Variants in DPF3 observed in about 807,000 individuals in gnomAD.
DPF3 encodes the protein double PHD fingers 3.
In DPF3, 18 loss-of-function variants were observed where a neutral mutation model predicts 56.8. The observed-to-expected ratio is 0.32, with a 90% CI of 0.22 to 0.47. DPF3 has a LOEUF of 0.47. DPF3 is among the 20% of genes least tolerant of loss of function. The pLI is 1.00. For synonymous variants in DPF3, 188 were observed against 180.2 expected (o/e 1.04, Z -0.35); for missense variants, 403 against 488.8 (o/e 0.82, Z 1.65).
chr14:72,620,053 C>T, intron 9 of DPF3, 69 bp from the exon 10 acceptor site: 1 of 1,437,156 alleles, frequency 7.0e-7, no homozygotes, highest in Non-Finnish European at 9.2e-7. Context: ...CTGGCCCCCG[C>T]TTACCCATCA....
Position 72,723,645 on chromosome 14 carries a change from C to T in DPF3, c.513G>A (p.Arg171=), listed in dbSNP as rs1889275167. Residue 171 remains arginine, a synonymous_variant, in exon 5 of 11, where the codon AGG becomes AGA. Transcript: ENST00000556509. ...ATCCCCAACTTACCCGTCCTCTAGT[C>T]CTGTTCTTTCGCTTGGGAATATCCT... is the stretch of plus-strand genomic sequence containing the variant. The part of the protein sequence containing the change: ...LEEDIPKRKN[R]TRGRARGSAG... The T allele has an allele frequency of 1.9e-6, 3 of 1,582,564 alleles. No homozygotes were observed. Among genetic ancestry groups the T allele is most frequent in the East Asian group, 2.3e-5 (1 of 43,556 alleles).
At chr14:72,745,108 C>T (rs1321692466) in intron 3 of DPF3, among the ~76,000 whole-genome samples, 1 of 151,856 alleles carries the variant, frequency 6.6e-6, no homozygotes, top group Non-Finnish European at 1.5e-5. Context: ...TGGAGGGGCA[C>T]CATGGGTGGG....
At chr14:72,700,193 T>C (rs1888096911) in intron 6 of DPF3, among the ~76,000 whole-genome samples, 1 of 152,190 alleles carries the variant, frequency 6.6e-6, no homozygotes, top group African/African-American at 2.4e-5. Flanking sequence ...AAGCCAGCAC[T>C]GTTTCTCCTT....
At chr14:72,781,476 A>G (rs1046578014) in intron 1 of DPF3, among the ~76,000 whole-genome samples, 1 of 152,240 alleles carries the variant, frequency 6.6e-6, no homozygotes, top group Non-Finnish European at 1.5e-5. Flanking sequence ...GTTCAGGCCC[A>G]GTAGACCCAA....
At chr14:72,814,350 C>T (rs1051173214) in intron 1 of DPF3, among the ~76,000 whole-genome samples, 65 of 152,060 alleles carry the variant, frequency 4.3e-4, no homozygotes, top group Non-Finnish European at 8.5e-4. Context: ...TGTGTGAGAG[C>T]GAGAGAGAGA....
chr14:72,785,686 T>C (rs572336025), intron 1 of DPF3, among the ~76,000 whole-genome samples: 1 of 152,310 alleles, frequency 6.6e-6, no homozygotes, highest in Admixed American at 6.5e-5. Context: ...GAAATAAACC[T>C]TCTTATCACA....
intron 8 of DPF3, among the ~76,000 whole-genome samples, chr14:72,633,826 T>C (rs1193632953): frequency 6.6e-6 from 1 of 152,148 alleles, no homozygotes; most frequent in African/African-American, 2.4e-5. Context: ...GTAGCAACAC[T>C]CCACCAATAT....
In DPF3 at chr14:72,671,045, C is replaced by A; in HGVS notation, c.871+3195G>T. 3 of 1,514,510 alleles carry A rather than the reference C, an allele frequency of 2.0e-6. No homozygotes were observed. In the African/African-American group the frequency reaches 4.2e-5, roughly 21 times the overall value. 93.8% of individuals were successfully genotyped at this position (1,514,510 alleles called of 1,614,324 possible). A position where few individuals can be genotyped will look rare whatever the true frequency, so the allele number is the denominator to read the frequency against. Reference sequence around the variant, plus strand: ...AGGATAGAGGGAAAATCTAAAGTTGCCTTTCATTAAAAAAAATATATATCA... The same window carrying A: ...AGGATAGAGGGAAAATCTAAAGTTGACTTTCATTAAAAAAAATATATATCA... On this transcript the variant is annotated intron_variant, in intron 8 of 10. Coordinates refer to ENST00000556509, the MANE Select transcript of DPF3 (RefSeq NM_001280542.3).
chr14:72,725,733 T>A (rs1889380492), intron 4 of DPF3, among the ~76,000 whole-genome samples: 1 of 152,104 alleles, frequency 6.6e-6, no homozygotes, highest in African/African-American at 2.4e-5. Context: ...GCCTCCTGGA[T>A]GACACCTCTG....
At chr14:72,839,002 A>ACT (rs1415401886) in intron 1 of DPF3, among the ~76,000 whole-genome samples, 1 of 139,706 alleles carries the variant, frequency 7.2e-6, no homozygotes, top group Non-Finnish European at 1.5e-5. Context: ...CTCACTGCAA[A>ACT]CTCTGCCTCC....
chr14:72,637,551 C>T lies in DPF3; in HGVS notation c.872-7815G>A, dbSNP rs766349300. Among the ~76,000 whole-genome samples, 83 of 152,192 alleles carry T rather than the reference C, an allele frequency of 5.5e-4. 1 individual carries two copies. The Middle Eastern group carries it at 9.5e-3, about 17-fold the overall frequency. On this transcript the variant is annotated intron_variant, in intron 8 of 10. Transcript: ENST00000556509. Reference sequence around the variant, plus strand: ...AGCAGTGAGAAAATCCAAACCCCTGCCCTCAATTTACAACTGCCACACTTT... The same window carrying T: ...AGCAGTGAGAAAATCCAAACCCCTGTCCTCAATTTACAACTGCCACACTTT...
chr14:72,857,735 C>T (rs987750126), intron 1 of DPF3, among the ~76,000 whole-genome samples: 7 of 152,010 alleles, frequency 4.6e-5, no homozygotes, highest in South Asian at 4.2e-4. Flanking sequence ...TACAGGCACA[C>T]GCCACCATGC....
chr14:72,886,423 C>A (rs1032611970), intron 1 of DPF3, among the ~76,000 whole-genome samples: 4 of 152,104 alleles, frequency 2.6e-5, no homozygotes, highest in Non-Finnish European at 5.9e-5. Context: ...GATGGTTGCA[C>A]AAGGTGGGAG....
chr14:72,722,446 G>A (rs1345533841), intron 5 of DPF3, among the ~76,000 whole-genome samples: 1 of 152,168 alleles, frequency 6.6e-6, no homozygotes, highest in Non-Finnish European at 1.5e-5. Flanking sequence ...ATAAAGCCCT[G>A]CCCCAGAGCT....
At chr14:72,811,354 G>A (rs1312952918) in intron 1 of DPF3, among the ~76,000 whole-genome samples, 1 of 152,192 alleles carries the variant, frequency 6.6e-6, no homozygotes, top group Non-Finnish European at 1.5e-5. Context: ...AGATTGGGGT[G>A]ATGTGCCTAC....
At chr14:72,745,287 C>T (rs546443918) in intron 3 of DPF3, among the ~76,000 whole-genome samples, 27 of 151,950 alleles carry the variant, frequency 1.8e-4, no homozygotes, top group Non-Finnish European at 2.9e-4. Context: ...TGTTTTTTTT[C>T]GCCACTTAGC....
chr14:72,640,809 G>A (rs1885537055), intron 8 of DPF3, among the ~76,000 whole-genome samples: 1 of 152,240 alleles, frequency 6.6e-6, no homozygotes, highest in African/African-American at 2.4e-5. Flanking sequence ...ACATTCAGGA[G>A]ACAAGACCAG....
chr14:72,837,280 T>C (rs890629635), intron 1 of DPF3, among the ~76,000 whole-genome samples: 4 of 152,168 alleles, frequency 2.6e-5, no homozygotes, highest in African/African-American at 9.7e-5. Context: ...GAAAGAAAAC[T>C]CTTTCCTAAA....
At chr14:72,850,160 A>G (rs1279095126) in intron 1 of DPF3, among the ~76,000 whole-genome samples, 1 of 152,124 alleles carries the variant, frequency 6.6e-6, no homozygotes, top group African/African-American at 2.4e-5. Context: ...GAGGTCATAT[A>G]AAAATGCAAA....
Sources: gnomAD v4.1 joint callset for allele counts (sites outside exome capture counted in the v4.1 genomes callset) on GRCh38, gnomAD v4.1.1 for gene constraint, MANE v1.5 for transcripts, NCBI Gene and HGNC (gene_info 2026-07-23, HGNC 2026-07-21) for gene names.